Variants in MYOCD observed in about 807,000 individuals in gnomAD.
MYOCD encodes the protein myocardin.
MYOCD carries 32 observed loss-of-function variants against 96.1 expected under a neutral mutation model. That is an observed-to-expected ratio of 0.33 (90% CI 0.25 to 0.45). The LOEUF is 0.45. MYOCD is among the 20% of genes least tolerant of loss of function. The pLI is 1.00. For synonymous variants in MYOCD, 469 were observed against 469.0 expected (o/e 1.00, Z 0.00); for missense variants, 1,133 against 1,200.6 (o/e 0.94, Z 0.83).
chr17:12,749,593 A>ATG (rs1014868642), intron 9 of MYOCD, among the ~76,000 whole-genome samples: 1 of 146,248 alleles, frequency 6.8e-6, no homozygotes, highest in African/African-American at 2.5e-5. Flanking sequence ...ACCTATATAT[A>ATG]TGTGTGTATA....
chr17:12,688,472 C>T (rs906432850), intron 1 of MYOCD, among the ~76,000 whole-genome samples: 1 of 148,770 alleles, frequency 6.7e-6, no homozygotes, highest in Non-Finnish European at 1.5e-5. Context: ...TTCCTTCCAT[C>T]TTCTTCCTTC....
At chr17:12,744,778 A>G (rs1489958673) in intron 8 of MYOCD, among the ~76,000 whole-genome samples, 1 of 152,230 alleles carries the variant, frequency 6.6e-6, no homozygotes, top group Non-Finnish European at 1.5e-5. Flanking sequence ...ACAGTGAGAG[A>G]ATAACAATAA....
At chr17:12,751,574 A>G (rs1020120507) in intron 9 of MYOCD, among the ~76,000 whole-genome samples, 2 of 152,228 alleles carry the variant, frequency 1.3e-5, no homozygotes, top group African/African-American at 4.8e-5. Context: ...GTAAAACTTT[A>G]TATTGCACAA....
chr17:12,744,045 A>G (rs1701987185), intron 7 of MYOCD, 138 bp from the exon 8 acceptor site: 2 of 1,008,338 alleles, frequency 2.0e-6, no homozygotes, highest in Admixed American at 5.5e-5. Flanking sequence ...AGCTCTTTGT[A>G]CATCATGCCT....
chr17:12,687,062 A>G (rs966128326), intron 1 of MYOCD, among the ~76,000 whole-genome samples: 2 of 152,214 alleles, frequency 1.3e-5, no homozygotes, highest in Non-Finnish European at 2.9e-5. Context: ...AGCACACCGA[A>G]GTTGGAAGGT....
chr17:12,699,966 A>C (rs2030982607), intron 1 of MYOCD, among the ~76,000 whole-genome samples: 1 of 134,800 alleles, frequency 7.4e-6, no homozygotes, highest in Admixed American at 8.5e-5. Flanking sequence ...CTGGAGTGCA[A>C]TGGCACAATC....
At chr17:12,733,036 C>T (rs887640545) in intron 5 of MYOCD, among the ~76,000 whole-genome samples, 4 of 152,194 alleles carry the variant, frequency 2.6e-5, no homozygotes, top group Admixed American at 6.5e-5. Context: ...GTAGGCTGGG[C>T]GCGGTGGCTC....
intron 2 of MYOCD, chr17:12,710,496 C>A (rs1597768533): frequency 1.0e-6 from 1 of 984,372 alleles, no homozygotes; most frequent in East Asian, 1.1e-4. Context: ...TTTTTGCAGA[C>A]TAATCCAAGC....
At chr17:12,703,874 G>A (rs898993334) in intron 1 of MYOCD, among the ~76,000 whole-genome samples, 8 of 151,400 alleles carry the variant, frequency 5.3e-5, no homozygotes, top group African/African-American at 1.5e-4. Flanking sequence ...ATATTGTATT[G>A]TTAAGTTTTA....
intron 1 of MYOCD, among the ~76,000 whole-genome samples, chr17:12,669,967 A>C (rs1190247374): frequency 6.6e-6 from 1 of 152,112 alleles, no homozygotes; most frequent in Non-Finnish European, 1.5e-5. Context: ...TACTTTAGGC[A>C]TGAAAGCAGA....
In MYOCD at chr17:12,766,712, T is replaced by A. The variant is rs1471878828; in HGVS notation, c.*3068T>A. 6.6e-6 allele frequency: 1 copy of A among 152,224 alleles called. No individual in the cohort carries two copies. The highest frequency in any genetic ancestry group is 6.5e-5 in the Admixed American group (1 of 15,274). 9.4% of individuals were successfully genotyped at this position (152,224 alleles called of 1,614,324 possible). ...CGAAGATGGTCACATTCAAGTTCCC[T>A]AATGCTCTTAGAACCTGAAGATGAC... On this transcript the variant is annotated 3_prime_UTR_variant, in exon 14 of 14. Coordinates refer to ENST00000425538, the MANE Select transcript of MYOCD (RefSeq NM_001146312.3).
chr17:12,741,977 A>C (rs116957848), intron 7 of MYOCD, among the ~76,000 whole-genome samples: 3,014 of 152,154 alleles, frequency 0.02, 52 homozygotes, highest in Non-Finnish European at 0.032. Context: ...AAATGGTCCG[A>C]TTTCAGTATC....
intron 2 of MYOCD, among the ~76,000 whole-genome samples, chr17:12,707,743 A>G (rs1418045584): frequency 6.6e-6 from 1 of 151,656 alleles, no homozygotes; most frequent in Non-Finnish European, 1.5e-5. Context: ...GTAAATAAAA[A>G]TTAAAAAAGC....
intron 1 of MYOCD, among the ~76,000 whole-genome samples, chr17:12,677,837 C>G (rs1278926946): frequency 6.6e-6 from 1 of 151,546 alleles, no homozygotes; most frequent in Admixed American, 6.6e-5. Flanking sequence ...AATGACCAGC[C>G]TCTCATGAAT....
chr17:12,683,537 G>C (rs1406623112), intron 1 of MYOCD, among the ~76,000 whole-genome samples: 11 of 151,714 alleles, frequency 7.3e-5, no homozygotes, highest in Non-Finnish European at 1.6e-4. Flanking sequence ...AAGTCTTTCG[G>C]GAATGAAAAT....
In MYOCD at chr17:12,702,349, A is replaced by G. The variant is rs139670526; in HGVS notation, c.56-2779A>G. Among the ~76,000 whole-genome samples, 6 of 152,098 alleles carry G rather than the reference A, an allele frequency of 3.9e-5. No individual in the cohort carries two copies. In the South Asian group the frequency reaches 8.3e-4, roughly 21 times the overall value. Reference sequence around the variant, plus strand: ...TTGATGTCTATTTTATGTGATATTAATATAGTTATTTCAGCTTTCTTATGC... The same window carrying G: ...TTGATGTCTATTTTATGTGATATTAGTATAGTTATTTCAGCTTTCTTATGC... On this transcript the variant is annotated intron_variant, in intron 1 of 13. Coordinates refer to ENST00000425538, the MANE Select transcript of MYOCD (RefSeq NM_001146312.3).
intron 12 of MYOCD, among the ~76,000 whole-genome samples, chr17:12,759,421 T>C (rs1362164630): frequency 6.6e-6 from 1 of 152,216 alleles, no homozygotes; most frequent in African/African-American, 2.4e-5. Flanking sequence ...TATATTCAGT[T>C]CATTTCCATT....
intron 8 of MYOCD, among the ~76,000 whole-genome samples, chr17:12,745,015 T>G (rs1336857993): frequency 2.0e-5 from 3 of 152,156 alleles, no homozygotes; most frequent in African/African-American, 7.2e-5. Flanking sequence ...AGGAAAGTAT[T>G]AGCACTTTCA....
chr17:12,754,330 C>T (rs1269773270), intron 10 of MYOCD, among the ~76,000 whole-genome samples: 4 of 152,218 alleles, frequency 2.6e-5, no homozygotes, highest in Non-Finnish European at 4.4e-5. Flanking sequence ...TCTCTAACTC[C>T]TGACCTCGTG....
Sources: allele counts gnomAD v4.1 joint callset (sites outside exome capture counted in the v4.1 genomes callset), GRCh38; gene constraint gnomAD v4.1.1; transcripts MANE v1.5; gene names NCBI Gene and HGNC (gene_info 2026-07-23, HGNC 2026-07-21).